AKT3: variants seen among roughly 807,000 people sequenced by gnomAD.
The protein encoded by AKT3 is AKT serine/threonine kinase 3, also known as RAC-gamma serine/threonine-protein kinase.
In AKT3, 15 loss-of-function variants were observed where a neutral mutation model predicts 65.3. That is an observed-to-expected ratio of 0.23 (90% CI 0.15 to 0.35). The LOEUF (loss-of-function observed/expected upper bound fraction) is 0.35, where lower values mean the gene tolerates loss of function less well. Among genes scored for constraint, AKT3 ranks in the 10% least tolerant of loss-of-function variants. The pLI, the probability that AKT3 is intolerant of heterozygous loss-of-function variation, is 1.00. For synonymous variants in AKT3, 206 were observed against 183.8 expected (o/e 1.12, Z -0.98); for missense variants, 243 against 576.5 (o/e 0.42, Z 5.92).
At chr1:243,669,064 A>C (rs1391530354) in intron 3 of AKT3, among the ~76,000 whole-genome samples, 2 of 152,176 alleles carry the variant, frequency 1.3e-5, no homozygotes, top group African/African-American at 4.8e-5. Context: ...ATACTAATTT[A>C]TACTAATAAA....
At chr1:243,704,228 A>G (rs1169242733) in intron 2 of AKT3, among the ~76,000 whole-genome samples, 1 of 152,242 alleles carries the variant, frequency 6.6e-6, no homozygotes, top group African/African-American at 2.4e-5. Flanking sequence ...CTTAGATTTA[A>G]GAAAAACGGG....
At chr1:243,840,719 T>TA (rs959979096) in intron 2 of AKT3, among the ~76,000 whole-genome samples, 7 of 151,776 alleles carry the variant, frequency 4.6e-5, no homozygotes, top group Non-Finnish European at 1.0e-4. Context: ...AGCTAATTTT[T>TA]TTTTTTTACA....
At position 243,669,097 on chromosome 1, in the gene AKT3, G is replaced by A. The variant is rs140649570; in HGVS notation, c.173-4214C>T. On this transcript the variant is annotated intron_variant, in intron 3 of 13. Transcript: ENST00000673466. The stretch of plus-strand genomic sequence containing the variant: ...AAAGAGCCAACCAATTCCTATGACT[G>A]ACTCTGCCCATCAGTCTGATTCTCT... 2.7e-3 allele frequency among the ~76,000 whole-genome samples: 408 copies of A among 152,210 alleles called. 1 individual carries two copies. The highest frequency in any genetic ancestry group is 3.3e-3 in the Non-Finnish European group (226 of 68,024).
At chr1:243,614,838 T>C (rs1678178377) in intron 7 of AKT3, among the ~76,000 whole-genome samples, 1 of 152,112 alleles carries the variant, frequency 6.6e-6, no homozygotes, top group Non-Finnish European at 1.5e-5. Context: ...GGTTTGTTTT[T>C]GTTTTTAATG....
rs563540313 is a variant in AKT3, at chr1:243,658,855, T to C, written c.284+5917A>G. ...CAAGCCCTGGCAACACAGAGAAACCTTGTCTCTACAAAAAAAAAAAAAAAA... is the reference window on the plus strand; with the variant it reads ...CAAGCCCTGGCAACACAGAGAAACCCTGTCTCTACAAAAAAAAAAAAAAAA... On this transcript the variant is annotated intron_variant, in intron 4 of 13. Coordinates refer to ENST00000673466, the MANE Select transcript of AKT3 (RefSeq NM_005465.7). Among the ~76,000 whole-genome samples, 28 of 131,606 alleles carry C rather than the reference T, an allele frequency of 2.1e-4. 1 individual carries two copies. In the East Asian group the frequency reaches 4.2e-3, roughly 20 times the overall value. 86.3% of individuals were successfully genotyped at this position (131,606 alleles called of 152,430 possible).
intron 12 of AKT3, among the ~76,000 whole-genome samples, chr1:243,527,810 G>C (rs560581268): frequency 6.7e-6 from 1 of 148,554 alleles, no homozygotes; most frequent in South Asian, 2.1e-4. Context: ...AGGCTGCAGC[G>C]AGCTGTGATC....
intron 12 of AKT3, among the ~76,000 whole-genome samples, chr1:243,515,679 C>A (rs1459308025): frequency 1.3e-5 from 2 of 152,112 alleles, no homozygotes. Flanking sequence ...GAATATTGGT[C>A]TATAGCATTC....
chr1:243,623,576 T>A (rs1678926422), intron 6 of AKT3, among the ~76,000 whole-genome samples: 1 of 152,176 alleles, frequency 6.6e-6, no homozygotes, highest in African/African-American at 2.4e-5. Context: ...GACACTCCTC[T>A]TCTCCTGTCC....
chr1:243,648,488 G>A (rs1246973183), intron 4 of AKT3, among the ~76,000 whole-genome samples: 3 of 152,054 alleles, frequency 2.0e-5, no homozygotes, highest in Admixed American at 2.0e-4. Flanking sequence ...TTGATACTTT[G>A]TTAAGAAATT....
At chr1:243,662,715 A>T (rs1473062690) in intron 4 of AKT3, among the ~76,000 whole-genome samples, 1 of 151,856 alleles carries the variant, frequency 6.6e-6, no homozygotes, top group African/African-American at 2.4e-5. Context: ...ATAATAATAA[A>T]TAAAATAAAA....
chr1:243,609,191 T>C (rs1677673955), intron 8 of AKT3, among the ~76,000 whole-genome samples: 1 of 151,868 alleles, frequency 6.6e-6, no homozygotes, highest in Non-Finnish European at 1.5e-5. Context: ...AAATCAAGAA[T>C]TGAAATAATC....
At chr1:243,689,482 A>ATTT (rs11354558) in intron 3 of AKT3, among the ~76,000 whole-genome samples, 4 of 128,380 alleles carry the variant, frequency 3.1e-5, no homozygotes, top group African/African-American at 8.8e-5. Flanking sequence ...TTATTCAAAG[A>ATTT]TTTTTTTTTT....
At chr1:243,611,874 C>T (rs1233386449) in intron 8 of AKT3, among the ~76,000 whole-genome samples, 4 of 152,130 alleles carry the variant, frequency 2.6e-5, no homozygotes, top group South Asian at 2.1e-4. Flanking sequence ...ACATCAATTC[C>T]CTGGGTGAAA....
At chr1:243,727,016 C>T in intron 2 of AKT3, among the ~76,000 whole-genome samples, 1 of 152,150 alleles carries the variant, frequency 6.6e-6, no homozygotes, top group Non-Finnish European at 1.5e-5. Context: ...GTAAAGCCCA[C>T]CTCCTTGGTC....
At chr1:243,575,359 G>A (rs1674862342) in intron 8 of AKT3, among the ~76,000 whole-genome samples, 1 of 152,152 alleles carries the variant, frequency 6.6e-6, no homozygotes. Context: ...GGGCACTGGA[G>A]AAGAGAAAGA....
chr1:243,812,526 G>C (rs1321713997), intron 2 of AKT3, among the ~76,000 whole-genome samples: 1 of 152,174 alleles, frequency 6.6e-6, no homozygotes, highest in Non-Finnish European at 1.5e-5. Flanking sequence ...GGAAACAACA[G>C]GTGCTGGAGA....
At chr1:243,592,106 T>C (rs894532302) in intron 8 of AKT3, among the ~76,000 whole-genome samples, 1 of 152,018 alleles carries the variant, frequency 6.6e-6, no homozygotes, top group Non-Finnish European at 1.5e-5. Context: ...GAGGCCAAGC[T>C]GGGCGGATCA....
intron 2 of AKT3, among the ~76,000 whole-genome samples, chr1:243,815,818 T>C (rs1017302383): frequency 2.2e-5 from 2 of 92,240 alleles, no homozygotes; most frequent in African/African-American, 6.3e-5. Flanking sequence ...GGTTTCACCA[T>C]CTTGCCCAGG....
At chr1:243,657,835 T>C (rs1053687598) in intron 4 of AKT3, among the ~76,000 whole-genome samples, 7 of 151,996 alleles carry the variant, frequency 4.6e-5, no homozygotes, top group Non-Finnish European at 4.4e-5. Context: ...AATAAAACCA[T>C]ATATATATAC....
Sources: gnomAD v4.1 joint callset for allele counts (sites outside exome capture counted in the v4.1 genomes callset) on GRCh38, gnomAD v4.1.1 for gene constraint, MANE v1.5 for transcripts, NCBI Gene and HGNC (gene_info 2026-07-23, HGNC 2026-07-21) for gene names.